The following RNF216 variants were observed in gnomAD, a reference collection of about 807,000 sequenced individuals.
RNF216 encodes E3 ubiquitin-protein ligase RNF216.
Under a neutral mutation model 110.8 loss-of-function variants are expected in RNF216, and 72 were observed. The ratio of observed to expected loss-of-function variants is 0.65; its 90% CI spans 0.54 to 0.79. The LOEUF is 0.79. RNF216 is among the 30% of genes least tolerant of loss of function. The pLI is 0.00. For synonymous variants in RNF216, 495 were observed against 407.5 expected, an observed-to-expected ratio of 1.21 and a Z score of -2.59; for missense variants, 1,342 against 1,141.2, an observed-to-expected ratio of 1.18 and a Z score of -2.54.
intron 13 of RNF216, among the ~76,000 whole-genome samples, chr7:5,665,839 G>A (rs1183913646): frequency 6.6e-6 from 1 of 151,916 alleles, no homozygotes; most frequent in Admixed American, 6.6e-5. Context: ...GCAACGCCTA[G>A]GCAATGGCAT....
At chr7:5,778,991 G>A (rs564890723) in intron 1 of RNF216, among the ~76,000 whole-genome samples, 32 of 152,300 alleles carry the variant, frequency 2.1e-4, no homozygotes, top group East Asian at 5.8e-4. Flanking sequence ...TGATCTGCCC[G>A]CCTCGGCCTC....
At chr7:5,642,146 C>T (rs1353092573) in intron 14 of RNF216, among the ~76,000 whole-genome samples, 2 of 151,370 alleles carry the variant, frequency 1.3e-5, no homozygotes, top group Non-Finnish European at 2.9e-5. Flanking sequence ...GTAGTACATC[C>T]GTTTATGATT....
At chr7:5,776,854 T>C (rs1052229485) in intron 1 of RNF216, among the ~76,000 whole-genome samples, 2 of 140,888 alleles carry the variant, frequency 1.4e-5, no homozygotes, top group African/African-American at 2.7e-5. Context: ...TGAGCTGATA[T>C]TGTGCCACTG....
At chr7:5,692,842 A>C (rs1791416485) in intron 13 of RNF216, among the ~76,000 whole-genome samples, 1 of 152,242 alleles carries the variant, frequency 6.6e-6, no homozygotes, top group African/African-American at 2.4e-5. Flanking sequence ...GTTAATGACA[A>C]TGGGTATACA....
rs922102861 is a variant in RNF216, at chr7:5,624,907, G to T, written c.2383-782C>A. On this transcript the variant is annotated intron_variant, in intron 15 of 16. Transcript: ENST00000389902. The surrounding 1 kb of genome is among the most constrained non-coding windows in gnomAD (Gnocchi z 4.4). ...ACCCCCACCTGCCAGCAGACACCAT[G>T]GTGGGAGGACCGGGCTGCTGCCTCA... 2.6e-5 allele frequency among the ~76,000 whole-genome samples: 4 copies of T among 152,226 alleles called. No individual in the cohort carries two copies. Among genetic ancestry groups the T allele is most frequent in the Non-Finnish European group, 5.9e-5 (4 of 68,028 alleles).
chr7:5,780,322 G>A (rs1407742586), intron 1 of RNF216: 1 of 152,168 alleles, frequency 6.6e-6, no homozygotes, highest in Non-Finnish European at 1.5e-5. Flanking sequence ...CCTCTGCTCT[G>A]CTCACCCTCT....
intron 13 of RNF216, among the ~76,000 whole-genome samples, chr7:5,677,571 T>C (rs1051796992): frequency 6.6e-6 from 1 of 152,262 alleles, no homozygotes; most frequent in Non-Finnish European, 1.5e-5. Flanking sequence ...CTAAGCACTT[T>C]GGGCTTAACC....
At chr7:5,755,590 C>G (rs1386071999) in intron 2 of RNF216, among the ~76,000 whole-genome samples, 3 of 152,180 alleles carry the variant, frequency 2.0e-5, no homozygotes, top group Non-Finnish European at 4.4e-5. Context: ...ATATATTCTT[C>G]TCTTTCTTGC....
At chr7:5,660,953 T>G (rs867878547) in intron 13 of RNF216, among the ~76,000 whole-genome samples, 24 of 133,860 alleles carry the variant, frequency 1.8e-4, no homozygotes, top group African/African-American at 3.8e-4. Context: ...GTTTTTTTTT[T>G]TTTTTTTTTT....
intron 15 of RNF216, among the ~76,000 whole-genome samples, chr7:5,640,875 T>C (rs762358977): frequency 3.3e-4 from 50 of 152,370 alleles, no homozygotes; most frequent in Non-Finnish European, 6.0e-4. Context: ...ATGTGTAAGT[T>C]TCCTTACTTT....
chr7:5,710,307 C>T (rs915247032), intron 13 of RNF216, among the ~76,000 whole-genome samples: 4 of 151,676 alleles, frequency 2.6e-5, no homozygotes, highest in Non-Finnish European at 5.9e-5. Context: ...TTGCAGTGAG[C>T]TGAGATCGTG....
At chr7:5,660,943 G>GTTTTGTATTTT (rs1554352520) in intron 13 of RNF216, among the ~76,000 whole-genome samples, 3 of 90,164 alleles carry the variant, frequency 3.3e-5, no homozygotes, top group African/African-American at 1.6e-4. Flanking sequence ...GAAGCCTTAG[G>GTTTTGTATTTT]TTTTTTTTTT....
Position 5,741,051 on chromosome 7 carries a change from C to T in RNF216, c.966G>A (p.Glu322=). The change falls in exon 4 of 17, where the codon GAG becomes GAA. Residue 322 remains glutamate, a synonymous_variant. Transcript: ENST00000389902. ...GPAFPMQESQ[E]PNLENIWGQE... ...GCCCCCAAATGTTTTCCAAATTGGG[C>T]TCTTGAGATTCTTGCATTGGAAAGG... 6.2e-7 allele frequency: 1 copy of T among 1,614,110 alleles called. No homozygotes were observed. The highest frequency in any genetic ancestry group is 1.1e-5 in the South Asian group (1 of 91,068).
chr7:5,652,625 A>G lies in RNF216; in HGVS notation c.2062-115T>C, dbSNP rs1042645941. 17 of 711,942 alleles carry G rather than the reference A, an allele frequency of 2.4e-5. No individual in the cohort carries two copies. In the African/African-American group the frequency reaches 2.8e-4, roughly 12 times the overall value. The allele number at this position is 711,942 out of a possible 1,614,324, so 44.1% of individuals were successfully genotyped here. A position where few individuals can be genotyped will look rare whatever the true frequency, so the allele number is the denominator to read the frequency against. ...TACTTGGCTTGAATTCTTTCAGAGG[A>G]TGCCTCTCCTTTTCAGGGGGGATAT... On this transcript the variant is annotated intron_variant, in intron 13 of 16. Coordinates refer to ENST00000389902, the MANE Select transcript of RNF216 (RefSeq NM_207111.4).
At chr7:5,671,249 T>C (rs922229460) in intron 13 of RNF216, among the ~76,000 whole-genome samples, 3 of 152,230 alleles carry the variant, frequency 2.0e-5, no homozygotes, top group Admixed American at 6.5e-5. Context: ...TGAATAGACT[T>C]GCCTTTGGCT....
intron 13 of RNF216, among the ~76,000 whole-genome samples, chr7:5,673,903 C>T (rs565775622): frequency 6.6e-6 from 1 of 150,968 alleles, no homozygotes; most frequent in South Asian, 2.1e-4. Context: ...CTCTATCGCC[C>T]AGGCTGGTGT....
chr7:5,691,545 T>C (rs1231886071), intron 13 of RNF216, among the ~76,000 whole-genome samples: 2 of 152,114 alleles, frequency 1.3e-5, no homozygotes, highest in Non-Finnish European at 2.9e-5. Flanking sequence ...AGGGGGAATG[T>C]GTGTGTGAGA....
chr7:5,695,025 A>C (rs1450311813), intron 13 of RNF216, among the ~76,000 whole-genome samples: 1 of 151,704 alleles, frequency 6.6e-6, no homozygotes, highest in Non-Finnish European at 1.5e-5. Flanking sequence ...TAACTGAGCC[A>C]AAAAATACAC....
intron 13 of RNF216, among the ~76,000 whole-genome samples, chr7:5,676,073 G>A (rs1025365595): frequency 2.6e-5 from 4 of 151,592 alleles, no homozygotes; most frequent in Admixed American, 1.3e-4. Flanking sequence ...AGAGTGCAAC[G>A]CGATCTCGGC....
Sources: gnomAD v4.1 joint callset for allele counts (sites outside exome capture counted in the v4.1 genomes callset) on GRCh38, gnomAD v4.1.1 for gene constraint, Gnocchi (gnomAD v3.1) non-coding constraint, MANE v1.5 for transcripts, NCBI Gene and HGNC (gene_info 2026-07-23, HGNC 2026-07-21) for gene names.